Variants in MAP2K4 observed in about 807,000 individuals in gnomAD.
MAP2K4 encodes the protein dual specificity mitogen-activated protein kinase kinase 4.
A neutral mutation model predicts 48.5 loss-of-function variants in MAP2K4; 4 were observed. The ratio of observed to expected loss-of-function variants is 0.08; its 90% CI spans 0.04 to 0.19. MAP2K4 has a LOEUF of 0.19. MAP2K4 is among the 10% of genes least tolerant of loss of function. MAP2K4 has a pLI of 1.00. For missense variants in MAP2K4, 258 were observed against 493.3 expected (o/e 0.52, Z 4.52); for synonymous variants, 166 against 173.1 (o/e 0.96, Z 0.32).
chr17:12,092,438 G>T (rs1311639845), intron 3 of MAP2K4, among the ~76,000 whole-genome samples: 4 of 152,170 alleles, frequency 2.6e-5, no homozygotes, highest in African/African-American at 9.7e-5. Context: ...GGACTCACTT[G>T]ATTCAAATGT....
At chr17:12,129,993 CATTT>C (rs1972973938) in intron 9 of MAP2K4, among the ~76,000 whole-genome samples, 2 of 152,104 alleles carry the variant, frequency 1.3e-5, no homozygotes, top group African/African-American at 4.8e-5. Context: ...ATATTTTTGA[CATTT>C]ATTTTGTTTA....
At chr17:12,132,851 T>G (rs1973075087) in intron 9 of MAP2K4, among the ~76,000 whole-genome samples, 1 of 152,148 alleles carries the variant, frequency 6.6e-6, no homozygotes, top group Non-Finnish European at 1.5e-5. Flanking sequence ...CCTTAAAGCT[T>G]GAGGATAATT....
At chr17:12,086,846 GTTTTGTTT>G (rs1971381546) in intron 3 of MAP2K4, among the ~76,000 whole-genome samples, 1 of 151,772 alleles carries the variant, frequency 6.6e-6, no homozygotes, top group Non-Finnish European at 1.5e-5. Context: ...GTTTTGTTTT[GTTTTGTTT>G]TGTTTTGTTT....
chr17:12,135,349 G>A (rs1256803968), intron 9 of MAP2K4, among the ~76,000 whole-genome samples: 3 of 149,640 alleles, frequency 2.0e-5, no homozygotes, highest in Non-Finnish European at 1.5e-5. Flanking sequence ...CTCCCAAAGT[G>A]TTGGGATTAC....
At chr17:12,107,384 T>C (rs1972149435) in intron 4 of MAP2K4, among the ~76,000 whole-genome samples, 2 of 143,806 alleles carry the variant, frequency 1.4e-5, no homozygotes, top group South Asian at 4.3e-4. Context: ...TCTTTTTCCT[T>C]TTTTTTTTTT....
intron 1 of MAP2K4, among the ~76,000 whole-genome samples, chr17:12,054,666 A>G (rs1444918114): frequency 1.3e-5 from 2 of 152,154 alleles, no homozygotes; most frequent in South Asian, 2.1e-4. Context: ...CATTCTATCT[A>G]TTGTATCATA....
intron 2 of MAP2K4, 30 bp downstream of exon 2, chr17:12,055,021 C>A: frequency 7.2e-7 from 1 of 1,384,596 alleles, no homozygotes; most frequent in Non-Finnish European, 1.0e-6. Context: ...AAAGGCTCAA[C>A]TCAAGCAAAG....
intron 4 of MAP2K4, among the ~76,000 whole-genome samples, chr17:12,096,429 G>A (rs1261084240): frequency 6.6e-6 from 1 of 152,090 alleles, no homozygotes; most frequent in Non-Finnish European, 1.5e-5. Context: ...TTGGGCTAGG[G>A]GTAGAACTGG....
intron 2 of MAP2K4, among the ~76,000 whole-genome samples, chr17:12,063,738 C>T (rs1391558833): frequency 2.0e-5 from 3 of 151,788 alleles, no homozygotes; most frequent in Non-Finnish European, 4.4e-5. Flanking sequence ...TTTGGGAGGC[C>T]GAGGCAGGCG....
intron 9 of MAP2K4, among the ~76,000 whole-genome samples, chr17:12,135,069 A>C (rs967103455): frequency 7.9e-5 from 12 of 151,836 alleles, no homozygotes; most frequent in Non-Finnish European, 1.5e-5. Context: ...CACCTGGCTA[A>C]TTTTTGTTTT....
At position 12,136,680 on chromosome 17, in the gene MAP2K4, G is replaced by T. The variant is rs529085561; in HGVS notation, c.1041-3159G>T. ...AGCTGTAATTCAGAAAAAGAAGACAGTCAATGTTAATAGTTTAAGATTTCA... is the reference window on the plus strand; with the variant it reads ...AGCTGTAATTCAGAAAAAGAAGACATTCAATGTTAATAGTTTAAGATTTCA... On this transcript the variant is annotated intron_variant, in intron 9 of 10. Transcript: ENST00000353533. Among the ~76,000 whole-genome samples the T allele has an allele frequency of 4.2e-3, 644 of 152,204 alleles. 1 individual carries two copies. Among genetic ancestry groups the T allele is most frequent in the East Asian group, 0.036 (188 of 5,176 alleles).
intron 1 of MAP2K4, among the ~76,000 whole-genome samples, chr17:12,029,405 A>G (rs1294367959): frequency 1.3e-5 from 2 of 152,196 alleles, no homozygotes; most frequent in Non-Finnish European, 2.9e-5. Flanking sequence ...GCCAGGAAAA[A>G]TGAAAAAGAC....
chr17:12,074,759 G>T (rs12951298), intron 2 of MAP2K4, among the ~76,000 whole-genome samples: 25,608 of 152,086 alleles, frequency 0.17, 2,534 homozygotes, highest in South Asian at 0.3. Flanking sequence ...ATCCTTGTCC[G>T]CAACTCAAGG....
chr17:12,040,871 A>G (rs555315325), intron 1 of MAP2K4, among the ~76,000 whole-genome samples: 1 of 152,200 alleles, frequency 6.6e-6, no homozygotes, highest in Non-Finnish European at 1.5e-5. Context: ...ATAATTTCTT[A>G]ACCAGCTTTC....
Position 12,088,566 on chromosome 17 carries a change from T to C in MAP2K4, c.394-7009T>C, listed in dbSNP as rs12944092. On this transcript the variant is annotated intron_variant, in intron 3 of 10. Coordinates refer to ENST00000353533, the MANE Select transcript of MAP2K4 (RefSeq NM_003010.4). ...ATTATATCTAATATATAATATATAT[T>C]AAATATATAATATATAATATATATT... Among the ~76,000 whole-genome samples, 59 of 25,348 alleles carry C rather than the reference T, an allele frequency of 2.3e-3. No individual in the cohort carries two copies. In the Admixed American group the frequency reaches 0.029, roughly 12 times the overall value. The allele number at this position is 25,348 out of a possible 152,430, so 16.6% of individuals were successfully genotyped here. A position where few individuals can be genotyped will look rare whatever the true frequency, so the allele number is the denominator to read the frequency against.
chr17:12,135,599 GA>G (rs1973181201), intron 9 of MAP2K4, among the ~76,000 whole-genome samples: 2 of 152,036 alleles, frequency 1.3e-5, no homozygotes, highest in African/African-American at 4.8e-5. Context: ...GCACAGGCTG[GA>G]GTGCAGTGGC....
At chr17:12,068,650 T>A (rs1203985842) in intron 2 of MAP2K4, among the ~76,000 whole-genome samples, 1 of 152,018 alleles carries the variant, frequency 6.6e-6, no homozygotes, top group East Asian at 1.9e-4. Flanking sequence ...GTATGGAGCA[T>A]CTGTAAATAG....
intron 1 of MAP2K4, among the ~76,000 whole-genome samples, chr17:12,030,419 A>G (rs934294142): frequency 6.6e-6 from 1 of 152,156 alleles, no homozygotes; most frequent in Non-Finnish European, 1.5e-5. Flanking sequence ...AGATACAAAG[A>G]ACAAGTCTAT....
chr17:12,028,219 TA>T (rs1286839063), intron 1 of MAP2K4, among the ~76,000 whole-genome samples: 1 of 152,134 alleles, frequency 6.6e-6, no homozygotes, highest in Non-Finnish European at 1.5e-5. Context: ...GGCCAAAGAA[TA>T]AATAAGGTGG....
Sources: allele counts gnomAD v4.1 joint callset (sites outside exome capture counted in the v4.1 genomes callset), GRCh38; gene constraint gnomAD v4.1.1; transcripts MANE v1.5; gene names NCBI Gene and HGNC (gene_info 2026-07-23, HGNC 2026-07-21).